PIK3C2G: variants seen among roughly 807,000 people sequenced by gnomAD.
PIK3C2G encodes the protein phosphatidylinositol 3-kinase C2 domain-containing subunit gamma.
In PIK3C2G, 168 loss-of-function variants were observed where a neutral mutation model predicts 181.1. That is an observed-to-expected ratio of 0.93 (90% CI 0.82 to 1.05). The LOEUF (loss-of-function observed/expected upper bound fraction) is 1.05. PIK3C2G is among the 50% of genes least tolerant of loss of function. The pLI is 0.00. For missense variants in PIK3C2G, 1,869 were observed against 1,732.8 expected (o/e 1.08, Z -1.40); for synonymous variants, 573 against 592.2 (o/e 0.97, Z 0.47).
the PIK3C2G span, among the ~76,000 whole-genome samples, chr12:18,673,398 A>T: frequency 1.3e-5 from 2 of 152,192 alleles, no homozygotes; most frequent in African/African-American, 4.8e-5. Context: ...TGAAAATATC[A>T]TAAACAGAGC....
At chr12:18,591,157 T>G (rs1947056401) in intron 29 of PIK3C2G, among the ~76,000 whole-genome samples, 1 of 151,936 alleles carries the variant, frequency 6.6e-6, no homozygotes, top group Non-Finnish European at 1.5e-5. Flanking sequence ...GTCCATTTCT[T>G]AAAAGTAGAC....
At chr12:18,525,765 C>T (rs773685623) in intron 24 of PIK3C2G, among the ~76,000 whole-genome samples, 10 of 152,184 alleles carry the variant, frequency 6.6e-5, no homozygotes, top group Non-Finnish European at 1.5e-4. Flanking sequence ...AAATATTCAT[C>T]ACTGCATAAC....
At chr12:18,284,894 C>T (rs1322686645) in intron 2 of PIK3C2G, among the ~76,000 whole-genome samples, 2 of 152,102 alleles carry the variant, frequency 1.3e-5, no homozygotes, top group Non-Finnish European at 2.9e-5. Context: ...AGACAAGAAA[C>T]ATAATATGTG....
In PIK3C2G at chr12:18,343,351, T is replaced by C. The variant is rs542413691; in HGVS notation, c.1420T>C (p.Ser474Pro). 232 of 1,362,334 alleles carry C rather than the reference T, an allele frequency of 1.7e-4. 1 individual carries two copies. The highest frequency in any genetic ancestry group is 8.4e-4 in the Admixed American group (39 of 46,692). The allele number at this position is 1,362,334 out of a possible 1,614,324, so 84.4% of individuals were successfully genotyped here. A position where few individuals can be genotyped will look rare whatever the true frequency, so the allele number is the denominator to read the frequency against. Residue 474 changes from serine to proline, a missense_variant, in exon 10 of 33, where the codon TCA becomes CCA. By Grantham distance (74) the Ser-to-Pro change is moderately conservative (BLOSUM62 -1). Coordinates refer to ENST00000538779, the MANE Select transcript of PIK3C2G (RefSeq NM_001288772.2). ...GAATTTTTATCAAAGTTCAGAGACTTCAGCAAAAGGTAAAACATACATGTA... is the reference window on the plus strand; with the variant it reads ...GAATTTTTATCAAAGTTCAGAGACTCCAGCAAAAGGTAAAACATACATGTA... ...GENFYQSSET[S>P]AKGLIEKVTT...
At chr12:18,394,521 G>T (rs757505568) in intron 15 of PIK3C2G, among the ~76,000 whole-genome samples, 29 of 151,850 alleles carry the variant, frequency 1.9e-4, no homozygotes, top group Non-Finnish European at 4.0e-4. Context: ...TTTTAAATTA[G>T]CAAATAATTA....
chr12:18,505,058 C>G (rs1941732108), intron 23 of PIK3C2G, among the ~76,000 whole-genome samples: 2 of 152,162 alleles, frequency 1.3e-5, no homozygotes, highest in African/African-American at 4.8e-5. Flanking sequence ...GAAATATTTT[C>G]CGCAGTTTCA....
At chr12:18,429,586 C>G (rs2135750681) in intron 18 of PIK3C2G, among the ~76,000 whole-genome samples, 1 of 152,246 alleles carries the variant, frequency 6.6e-6, no homozygotes, top group South Asian at 2.1e-4. Context: ...CACTGCTGCC[C>G]TGTCCCTTCC....
chr12:18,551,617 C>T (rs1259685147), intron 26 of PIK3C2G, among the ~76,000 whole-genome samples: 1 of 152,046 alleles, frequency 6.6e-6, no homozygotes, highest in African/African-American at 2.4e-5. Context: ...AAAACAAAAC[C>T]CCACACTTCA....
chr12:18,685,283 A>G, the PIK3C2G span, among the ~76,000 whole-genome samples: 1 of 152,040 alleles, frequency 6.6e-6, no homozygotes, highest in African/African-American at 2.4e-5. Flanking sequence ...TCTGCCAAGC[A>G]AGAAATCCAC....
the PIK3C2G span, among the ~76,000 whole-genome samples, chr12:18,710,800 C>T: frequency 6.6e-6 from 1 of 152,036 alleles, no homozygotes; most frequent in Admixed American, 6.6e-5. Flanking sequence ...TCATCACTGG[C>T]CGTCAGAGAA....
the PIK3C2G span, chr12:18,684,365 T>C: frequency 1.6e-6 from 2 of 1,279,562 alleles, no homozygotes; most frequent in Non-Finnish European, 2.2e-6. Flanking sequence ...AAACTTTTTC[T>C]TTTCAACCCT....
intron 12 of PIK3C2G, among the ~76,000 whole-genome samples, chr12:18,365,878 T>C (rs1941607879): frequency 6.6e-6 from 1 of 152,206 alleles, no homozygotes; most frequent in Non-Finnish European, 1.5e-5. Context: ...ATTCTAATTC[T>C]GGTTGTTCAG....
At chr12:18,264,209 T>C (rs1204562805) in intron 1 of PIK3C2G, among the ~76,000 whole-genome samples, 9 of 152,208 alleles carry the variant, frequency 5.9e-5, no homozygotes, top group Admixed American at 5.9e-4. Flanking sequence ...GTTTTTTAAG[T>C]TGGATTGCTC....
chr12:18,689,773 A>G, the PIK3C2G span, among the ~76,000 whole-genome samples: 1 of 152,188 alleles, frequency 6.6e-6, no homozygotes, highest in Non-Finnish European at 1.5e-5. Flanking sequence ...CTCAGATTGC[A>G]GGTGACGAAG....
At chr12:18,348,559 G>C (rs1939907861) in intron 11 of PIK3C2G, among the ~76,000 whole-genome samples, 1 of 152,036 alleles carries the variant, frequency 6.6e-6, no homozygotes, top group African/African-American at 2.4e-5. Flanking sequence ...AATCATCCCA[G>C]CCATTCATTA....
At chr12:18,254,084 C>T (rs1948120819) in intron 1 of PIK3C2G, among the ~76,000 whole-genome samples, 1 of 151,994 alleles carries the variant, frequency 6.6e-6, no homozygotes, top group Non-Finnish European at 1.5e-5. Flanking sequence ...CTTTAATCAA[C>T]AGATTTGAGA....
In PIK3C2G at chr12:18,346,838, T is replaced by TGA; in HGVS notation, c.1625+4_1625+5dup. ...CATTCCAGAAACCTGGGTGCACAGG[T>TGA]GAGTGGTGGTGAGTTTTTCACAAAA... On this transcript the variant is annotated splice_region_variant and intron_variant, in intron 11 of 32. Transcript: ENST00000538779. The TGA allele has an allele frequency of 6.3e-7, 1 of 1,580,262 alleles. No individual in the cohort carries two copies. Among genetic ancestry groups the TGA allele is most frequent in the Non-Finnish European group, 8.6e-7 (1 of 1,159,850 alleles).
At chr12:18,655,293 C>T in the PIK3C2G span, among the ~76,000 whole-genome samples, 1 of 152,162 alleles carries the variant, frequency 6.6e-6, no homozygotes, top group African/African-American at 2.4e-5. Context: ...CCCAAAGACA[C>T]AGGAGCCAAC....
intron 11 of PIK3C2G, among the ~76,000 whole-genome samples, chr12:18,351,781 T>G (rs1209309456): frequency 6.6e-6 from 1 of 152,230 alleles, no homozygotes; most frequent in Non-Finnish European, 1.5e-5. Context: ...ATGTAAACTA[T>G]GTAAATACAC....
Sources: allele counts gnomAD v4.1 joint callset (sites outside exome capture counted in the v4.1 genomes callset), GRCh38; gene constraint gnomAD v4.1.1; transcripts MANE v1.5; gene names NCBI Gene and HGNC (gene_info 2026-07-23, HGNC 2026-07-21).